FRAS1: variants seen among roughly 807,000 people sequenced by gnomAD.
FRAS1 encodes extracellular matrix organizing protein FRAS1.
Under a neutral mutation model 435.2 loss-of-function variants are expected in FRAS1, and 290 were observed. The ratio of observed to expected loss-of-function variants is 0.67; its 90% CI spans 0.61 to 0.73. FRAS1 has a LOEUF of 0.73. Ranked by LOEUF, FRAS1 falls within the 30% of genes least tolerant of loss-of-function variation. FRAS1 has a pLI of 0.00. For missense variants in FRAS1, 4,860 were observed against 5,001.5 expected, an observed-to-expected ratio of 0.97 and a Z score of 0.85; for synonymous variants, 1,800 against 1,851.0, an observed-to-expected ratio of 0.97 and a Z score of 0.71.
chr4:78,540,683 T>G lies in FRAS1; in HGVS notation c.11598T>G (p.Asp3866Glu). ...CCGATGGCCAGCTGATCCTTGATGA[T>G]TCCCTCATCTATGACAATGAAGGAG... ...VEPDGQLILD[D>E]SLIYDNEGDQ... is the part of the protein sequence containing the mutation. The change falls in exon 74 of 74, where the codon GAT becomes GAG. Residue 3866 changes from aspartate to glutamate, a missense_variant. Transcript: ENST00000512123. 6.2e-7 allele frequency: 1 copy of G among 1,613,674 alleles called. No individual in the cohort carries two copies. The highest frequency in any genetic ancestry group is 8.5e-7 in the Non-Finnish European group (1 of 1,179,700).
At chr4:78,474,259 C>T (rs905487417) in intron 53 of FRAS1, among the ~76,000 whole-genome samples, 2 of 152,158 alleles carry the variant, frequency 1.3e-5, no homozygotes, top group Non-Finnish European at 1.5e-5. Context: ...CAGAGAGATA[C>T]TGATTGTTAA....
chr4:78,152,607 CTT>C (rs71214398), intron 2 of FRAS1, among the ~76,000 whole-genome samples: 6,897 of 72,052 alleles, frequency 0.096, 77 homozygotes, highest in Non-Finnish European at 0.13. Flanking sequence ...ATGTAGGCTG[CTT>C]TTTTTTTTTT....
intron 38 of FRAS1, among the ~76,000 whole-genome samples, chr4:78,433,476 T>C (rs1411900027): frequency 6.6e-6 from 1 of 152,230 alleles, no homozygotes; most frequent in Admixed American, 6.5e-5. Flanking sequence ...CGTATACTTT[T>C]AAGTAACCCT....
chr4:78,517,763 T>C (rs2109890406), intron 66 of FRAS1, among the ~76,000 whole-genome samples: 1 of 152,144 alleles, frequency 6.6e-6, no homozygotes, highest in Non-Finnish European at 1.5e-5. Context: ...TTTTTAAAGA[T>C]TAGTGAGTAA....
intron 14 of FRAS1, among the ~76,000 whole-genome samples, chr4:78,300,831 C>T (rs1306983792): frequency 1.3e-5 from 2 of 152,092 alleles, no homozygotes; most frequent in African/African-American, 4.8e-5. Flanking sequence ...CCCAAATACA[C>T]GTACCCCTTC....
intron 60 of FRAS1, among the ~76,000 whole-genome samples, chr4:78,498,185 T>C (rs914692413): frequency 6.6e-6 from 1 of 152,200 alleles, no homozygotes; most frequent in Admixed American, 6.5e-5. Context: ...AACTTGCACG[T>C]TCTGCACATG....
intron 2 of FRAS1, chr4:78,070,983 T>C (rs1740323189): frequency 6.6e-6 from 1 of 152,230 alleles, no homozygotes; most frequent in Non-Finnish European, 1.5e-5. Context: ...TCTATAGCAG[T>C]GACGACTGGC....
chr4:78,276,041 C>T lies in FRAS1; in HGVS notation c.982-2614C>T, dbSNP rs905563228. The stretch of plus-strand genomic sequence containing the variant: ...TTTTATTCTTTTTTCTCTAAACTTC[C>T]CTTCTCGCTTCATTTCATTCATTTG... On this transcript the variant is annotated intron_variant, in intron 9 of 73. Transcript: ENST00000512123. 2.5e-4 allele frequency among the ~76,000 whole-genome samples: 38 copies of T among 152,102 alleles called. 1 individual carries two copies. Among genetic ancestry groups the T allele is most frequent in the Admixed American group, 2.4e-3 (37 of 15,266 alleles).
rs552190794 is a variant in FRAS1, at chr4:78,272,742, G to A, written c.981+5310G>A. On this transcript the variant is annotated intron_variant, in intron 9 of 73. Transcript: ENST00000512123. The stretch of plus-strand genomic sequence containing the variant: ...TTGTAGTATAGTTTGAAGTCAGGTA[G>A]CGTGATGCCTCCAGCTTTGTTCTTT... 1.8e-3 allele frequency among the ~76,000 whole-genome samples: 268 copies of A among 152,308 alleles called. 3 individuals are homozygous for A. Among genetic ancestry groups the A allele is most frequent in the African/African-American group, 5.8e-3 (240 of 41,564 alleles).
intron 2 of FRAS1, among the ~76,000 whole-genome samples, chr4:78,095,693 C>T (rs1420899032): frequency 6.6e-6 from 1 of 152,198 alleles, no homozygotes; most frequent in South Asian, 2.1e-4. Flanking sequence ...CAGGGAAACT[C>T]CCGTTTATAA....
Position 78,111,932 on chromosome 4 carries a change from T to C in FRAS1, c.108+45916T>C, listed in dbSNP as rs140190433. Among the ~76,000 whole-genome samples the C allele has an allele frequency of 3.6e-4, 55 of 152,174 alleles. 2 individuals are homozygous for C. Among genetic ancestry groups the C allele is most frequent in the African/African-American group, 1.3e-3 (53 of 41,522 alleles). On this transcript the variant is annotated intron_variant, in intron 2 of 73. Transcript: ENST00000512123. ...GCCATATTACACACTTCTGATGACATTGTTTTCAAGAGGTAGGCAAAGATC... is the reference window on the plus strand; with the variant it reads ...GCCATATTACACACTTCTGATGACACTGTTTTCAAGAGGTAGGCAAAGATC...
rs760223256 is a variant in FRAS1 at position 78,320,566 on chromosome 4, A to G, written c.2137+1580A>G. ...CTGGCAAAACCTATGTCCCCTAAAGAAAATTATTATAGTGCCTAGCCCTGC... is the reference window on the plus strand; with the variant it reads ...CTGGCAAAACCTATGTCCCCTAAAGGAAATTATTATAGTGCCTAGCCCTGC... On this transcript the variant is annotated intron_variant, in intron 18 of 73. Coordinates refer to ENST00000512123, the MANE Select transcript of FRAS1 (RefSeq NM_025074.7). 5.3e-5 allele frequency among the ~76,000 whole-genome samples: 8 copies of G among 152,228 alleles called. 1 individual carries two copies. The highest frequency in any genetic ancestry group is 1.9e-4 in the East Asian group (1 of 5,176).
intron 2 of FRAS1, among the ~76,000 whole-genome samples, chr4:78,124,078 T>C (rs1424080643): frequency 1.3e-5 from 2 of 152,240 alleles, no homozygotes; most frequent in African/African-American, 4.8e-5. Flanking sequence ...GCTTCCAGTT[T>C]TTGCCCATTC....
chr4:78,087,027 A>G (rs939830075), intron 2 of FRAS1, among the ~76,000 whole-genome samples: 1 of 152,234 alleles, frequency 6.6e-6, no homozygotes, highest in African/African-American at 2.4e-5. Context: ...AATCCTCAAT[A>G]AAATACTGGC....
intron 27 of FRAS1, among the ~76,000 whole-genome samples, chr4:78,382,543 T>C (rs1276903361): frequency 6.6e-6 from 1 of 152,110 alleles, no homozygotes; most frequent in Non-Finnish European, 1.5e-5. Context: ...TTACATTCTC[T>C]TGAAGCCTGA....
intron 5 of FRAS1, among the ~76,000 whole-genome samples, chr4:78,253,503 C>A (rs1049713949): frequency 1.3e-5 from 2 of 152,200 alleles, no homozygotes; most frequent in Non-Finnish European, 2.9e-5. Flanking sequence ...TCCATGAAAT[C>A]TTCACAGTTT....
chr4:78,151,226 A>G (rs1304602942), intron 2 of FRAS1, among the ~76,000 whole-genome samples: 3 of 152,180 alleles, frequency 2.0e-5, no homozygotes, highest in African/African-American at 7.2e-5. Context: ...GCTGGAGCCA[A>G]CTTTCATGGA....
chr4:78,234,383 G>A (rs56710998), intron 2 of FRAS1, among the ~76,000 whole-genome samples: 3,043 of 152,032 alleles, frequency 0.02, 103 homozygotes, highest in African/African-American at 0.069. Context: ...CCGCCACTGC[G>A]CCCGGCTAAT....
intron 38 of FRAS1, among the ~76,000 whole-genome samples, chr4:78,433,176 A>G (rs180688179): frequency 6.6e-6 from 1 of 152,340 alleles, no homozygotes; most frequent in East Asian, 1.9e-4. Context: ...ATCAAGGACT[A>G]GAGTTTGTTT....
Sources: gnomAD v4.1 joint callset for allele counts (sites outside exome capture counted in the v4.1 genomes callset) on GRCh38, gnomAD v4.1.1 for gene constraint, MANE v1.5 for transcripts, NCBI Gene and HGNC (gene_info 2026-07-23, HGNC 2026-07-21) for gene names.